ERGIC1: variants seen among roughly 807,000 people sequenced by gnomAD.
ERGIC1 encodes the protein endoplasmic reticulum-Golgi intermediate compartment protein 1.
Under a neutral mutation model 38.3 loss-of-function variants are expected in ERGIC1, and 19 were observed. The observed-to-expected ratio is 0.50, with a 90% CI of 0.35 to 0.73. ERGIC1 has a LOEUF of 0.73. Ranked by LOEUF, ERGIC1 falls within the 30% of genes least tolerant of loss-of-function variation. The pLI, the probability that ERGIC1 is intolerant of heterozygous loss-of-function variation, is 0.01. For synonymous variants in ERGIC1, 124 were observed against 157.6 expected, an observed-to-expected ratio of 0.79 and a Z score of 1.60; for missense variants, 294 against 389.2, an observed-to-expected ratio of 0.76 and a Z score of 2.06.
intron 8 of ERGIC1, 51 bp from the exon 9 acceptor site, chr5:172,935,137 C>T (rs200766378): frequency 2.5e-6 from 4 of 1,610,836 alleles, no homozygotes; most frequent in East Asian, 2.2e-5. Context: ...CCAGTCCCCG[C>T]CCCCCCTGAG....
intron 1 of ERGIC1, among the ~76,000 whole-genome samples, chr5:172,866,549 A>G (rs563993268): frequency 1.3e-5 from 2 of 152,246 alleles, no homozygotes; most frequent in East Asian, 1.9e-4. Flanking sequence ...GCACTCCCCC[A>G]TGGGGGCCAG....
intron 6 of ERGIC1, among the ~76,000 whole-genome samples, chr5:172,924,636 C>G (rs1434570763): frequency 6.6e-6 from 1 of 152,118 alleles, no homozygotes; most frequent in Non-Finnish European, 1.5e-5. Context: ...GGGAAGGGCC[C>G]AGACCGAGGC....
chr5:172,898,816 C>G (rs13165051), intron 3 of ERGIC1, among the ~76,000 whole-genome samples: 37,434 of 151,972 alleles, frequency 0.25, 4,940 homozygotes, highest in African/African-American at 0.33. Flanking sequence ...TTTATTCCCC[C>G]CAGGCCTCTA....
chr5:172,870,719 C>T (rs1263604606), intron 1 of ERGIC1, among the ~76,000 whole-genome samples: 1 of 152,186 alleles, frequency 6.6e-6, no homozygotes, highest in Admixed American at 6.5e-5. Context: ...GCAGGGGGAG[C>T]GGGGAGCAGA....
At chr5:172,858,915 C>T (rs561009593) in intron 1 of ERGIC1, among the ~76,000 whole-genome samples, 3 of 152,346 alleles carry the variant, frequency 2.0e-5, no homozygotes, top group Admixed American at 2.0e-4. Flanking sequence ...TTTGGACAGT[C>T]ACACCAGGTC....
rs559418345 is a variant in ERGIC1, at chr5:172,914,727, C to T, written c.264C>T (p.Asp88=). ...PNLHCELVGL[D]IQDEMGRHEV... ...TGGCTCCTGCAGTGGTTGGGCTTGA[C>T]ATTCAGGATGAGATGGGCAGGCACG... The change falls in exon 5 of 10, where the codon GAC becomes GAT. Residue 88 remains aspartate, a synonymous_variant. Transcript: ENST00000393784. The T allele has an allele frequency of 6.2e-7, 1 of 1,614,152 alleles. No homozygotes were observed. Among genetic ancestry groups the T allele is most frequent in the South Asian group, 1.1e-5 (1 of 91,086 alleles).
At chr5:172,873,278 G>T (rs1191324885) in intron 1 of ERGIC1, among the ~76,000 whole-genome samples, 2 of 152,222 alleles carry the variant, frequency 1.3e-5, no homozygotes, top group Non-Finnish European at 2.9e-5. Flanking sequence ...AAACACTTGG[G>T]GGGCCCTTGC....
intron 5 of ERGIC1, among the ~76,000 whole-genome samples, chr5:172,921,063 G>A (rs1763502475): frequency 6.6e-6 from 1 of 152,218 alleles, no homozygotes; most frequent in South Asian, 2.1e-4. Flanking sequence ...TGACAAACAT[G>A]TTCACCCTAC....
chr5:172,837,023 G>GGC lies in ERGIC1; in HGVS notation c.20+2591_20+2592dup, dbSNP rs1761053265. ...TGGGAGAAAAGGGAGAGATTGGAGG[G>GGC]GCCCACCATCCTGTCAGCTCTTTTA... On this transcript the variant is annotated intron_variant, in intron 1 of 9. Coordinates refer to ENST00000393784, the MANE Select transcript of ERGIC1 (RefSeq NM_001031711.3). This position sits in a 1 kb window ranked among gnomAD's most constrained non-coding sequence, Gnocchi z 4.3. Among the ~76,000 whole-genome samples the GGC allele has an allele frequency of 1.3e-5, 2 of 152,098 alleles. No individual in the cohort carries two copies. The highest frequency in any genetic ancestry group is 4.2e-4 in the South Asian group (2 of 4,818).
chr5:172,881,188 G>A (rs944127978), intron 1 of ERGIC1, among the ~76,000 whole-genome samples: 2 of 151,962 alleles, frequency 1.3e-5, no homozygotes, highest in Admixed American at 6.6e-5. Context: ...CGGAGGTTGC[G>A]ATGAGCTGAG....
chr5:172,887,105 A>G (rs1432709712), intron 1 of ERGIC1, among the ~76,000 whole-genome samples: 3 of 152,200 alleles, frequency 2.0e-5, no homozygotes, highest in Admixed American at 2.0e-4. Context: ...ACGTGTAATT[A>G]GGGTGAGCAC....
At position 172,935,528 on chromosome 5, in the gene ERGIC1, T is replaced by C. The variant is rs576039881; in HGVS notation, c.765+218T>C. 256 of 552,266 alleles carry C rather than the reference T, an allele frequency of 4.6e-4. 4 individuals carry two copies. In the South Asian group the frequency reaches 6.6e-3, roughly 14 times the overall value. 34.2% of individuals were successfully genotyped at this position (552,266 alleles called of 1,614,324 possible). A position where few individuals can be genotyped will look rare whatever the true frequency, so the allele number is the denominator to read the frequency against. On this transcript the variant is annotated intron_variant, in intron 9 of 9. Transcript: ENST00000393784. ...GATGACGTTTTGTCTAGAAAGTATT[T>C]TCCAGAGGGGAATGCCCTGAAATCC... is the stretch of plus-strand genomic sequence containing the variant.
chr5:172,878,272 C>T (rs2113207080), intron 1 of ERGIC1, among the ~76,000 whole-genome samples: 1 of 152,262 alleles, frequency 6.6e-6, no homozygotes, highest in Middle Eastern at 3.4e-3. Context: ...GCTATGTAGA[C>T]CAGGAGTCGT....
chr5:172,918,778 T>TG (rs1273180387), intron 5 of ERGIC1, among the ~76,000 whole-genome samples: 2 of 152,136 alleles, frequency 1.3e-5, no homozygotes, highest in African/African-American at 4.8e-5. Context: ...GGCAGGCAGG[T>TG]GGGGGGTTGG....
intron 1 of ERGIC1, among the ~76,000 whole-genome samples, chr5:172,866,656 C>G (rs1192874331): frequency 6.6e-6 from 1 of 152,246 alleles, no homozygotes; most frequent in African/African-American, 2.4e-5. Flanking sequence ...AACTGAAGCA[C>G]AGGGCAGTGA....
At chr5:172,900,687 G>A (rs578108362) in intron 3 of ERGIC1, among the ~76,000 whole-genome samples, 34 of 150,118 alleles carry the variant, frequency 2.3e-4, no homozygotes, top group Non-Finnish European at 3.4e-4. Context: ...TCCAGCCTGG[G>A]AGACAGAGCG....
chr5:172,849,505 G>C (rs544385181), intron 1 of ERGIC1, among the ~76,000 whole-genome samples: 1 of 152,200 alleles, frequency 6.6e-6, no homozygotes, highest in Non-Finnish European at 1.5e-5. Flanking sequence ...AAAAGCGAGT[G>C]ATGGGACTAA....
At position 172,840,589 on chromosome 5, in the gene ERGIC1, C is replaced by T. The variant is rs1336742514; in HGVS notation, c.20+6156C>T. On this transcript the variant is annotated intron_variant, in intron 1 of 9. Coordinates refer to ENST00000393784, the MANE Select transcript of ERGIC1 (RefSeq NM_001031711.3). ...GCAGCAGGGGAGCCAGGTCGGGTGGCGGTGGAGAGCCTTGCCTCGGGAGGC... is the reference window on the plus strand; with the variant it reads ...GCAGCAGGGGAGCCAGGTCGGGTGGTGGTGGAGAGCCTTGCCTCGGGAGGC... Among the ~76,000 whole-genome samples, 3 of 152,144 alleles carry T rather than the reference C, an allele frequency of 2.0e-5. 1 individual carries two copies. The highest frequency in any genetic ancestry group is 1.3e-4 in the Admixed American group (2 of 15,284).
chr5:172,841,266 G>GTGAA (rs1352729441), intron 1 of ERGIC1, among the ~76,000 whole-genome samples: 41 of 152,208 alleles, frequency 2.7e-4, no homozygotes, highest in African/African-American at 9.9e-4. Flanking sequence ...GAGAGGCAGG[G>GTGAA]TGAACTCAGG....
Sources: gnomAD v4.1 joint callset for allele counts (sites outside exome capture counted in the v4.1 genomes callset) on GRCh38, gnomAD v4.1.1 for gene constraint, Gnocchi (gnomAD v3.1) non-coding constraint, MANE v1.5 for transcripts, NCBI Gene and HGNC (gene_info 2026-07-23, HGNC 2026-07-21) for gene names.